TEF: variants seen among roughly 807,000 people sequenced by gnomAD.
The protein encoded by TEF is TEF transcription factor, PAR bZIP family member.
In TEF, 3 loss-of-function variants were observed where a neutral mutation model predicts 20.8. That is an observed-to-expected ratio of 0.14 (90% CI 0.07 to 0.37). TEF has a LOEUF of 0.37. Among genes scored for constraint, TEF ranks in the 10% least tolerant of loss-of-function variants. The pLI is 1.00. For synonymous variants in TEF, 180 were observed against 171.1 expected, an observed-to-expected ratio of 1.05 and a Z score of -0.41; for missense variants, 296 against 397.9, an observed-to-expected ratio of 0.74 and a Z score of 2.18.
intron 1 of TEF, chr22:41,383,068 C>G: frequency 2.1e-6 from 1 of 470,230 alleles, no homozygotes. Flanking sequence ...TGTGGGTGCA[C>G]TGAGGTATAC....
In TEF at chr22:41,369,047, T is replaced by C. The variant is rs142507248; in HGVS notation, c.67+1448T>C. ...TGGTCCAGGAACCCAGGAAGGGTGGTACAGTCCCTCCTGGCTCCCCCAAGG... is the reference window on the plus strand; with the variant it reads ...TGGTCCAGGAACCCAGGAAGGGTGGCACAGTCCCTCCTGGCTCCCCCAAGG... On this transcript the variant is annotated intron_variant, in intron 1 of 3. Transcript: ENST00000406644. 9.3e-5 allele frequency: 92 copies of C among 985,140 alleles called. 1 individual carries two copies. The African/African-American group carries it at 1.4e-3, about 15-fold the overall frequency. 61.0% of individuals were successfully genotyped at this position (985,140 alleles called of 1,614,324 possible). A position where few individuals can be genotyped will look rare whatever the true frequency, so the allele number is the denominator to read the frequency against.
At chr22:41,379,055 G>A (rs1278065933), upstream of TEF, among the ~76,000 whole-genome samples, 1 of 152,218 alleles carries the variant, frequency 6.6e-6, no homozygotes, top group African/African-American at 2.4e-5. Flanking sequence ...AACCCCGTAA[G>A]GTAGGCCAGG....
chr22:41,397,035 G>A lies in TEF; in HGVS notation c.*1075G>A, dbSNP rs1193537796. On this transcript the variant is annotated 3_prime_UTR_variant, in exon 4 of 4. Transcript: ENST00000266304. ...CCTGGGCTGGAGTGCACTCTCCCTG[G>A]GGGCAGCTGGGGCCTCGCAATTCTT... is the stretch of plus-strand genomic sequence containing the variant. 1.3e-5 allele frequency: 5 copies of A among 398,694 alleles called. No homozygotes were observed. The highest frequency in any genetic ancestry group is 2.2e-5 in the Non-Finnish European group (5 of 226,320). The allele number at this position is 398,694 out of a possible 1,614,324, so 24.7% of individuals were successfully genotyped here. A position where few individuals can be genotyped will look rare whatever the true frequency, so the allele number is the denominator to read the frequency against.
intron 2 of TEF, among the ~76,000 whole-genome samples, chr22:41,392,442 G>A (rs767317838): frequency 5.3e-5 from 8 of 152,066 alleles, no homozygotes; most frequent in East Asian, 3.9e-4. Flanking sequence ...TTGGGAGGCC[G>A]AGGCAGGTGG....
intron 1 of TEF, among the ~76,000 whole-genome samples, chr22:41,367,951 G>A (rs1421694418): frequency 6.6e-6 from 1 of 152,178 alleles, no homozygotes; most frequent in African/African-American, 2.4e-5. Context: ...CGCTGGGGGT[G>A]GCAGAGGAGC....
At chr22:41,372,516 A>G (rs1601810358) in intron 1 of TEF, among the ~76,000 whole-genome samples, 2 of 152,134 alleles carry the variant, frequency 1.3e-5, no homozygotes, top group East Asian at 1.9e-4. Context: ...GCTCAGAGAG[A>G]GGAAAGGCCA....
chr22:41,394,784 A>G (rs2037207846), intron 3 of TEF, among the ~76,000 whole-genome samples: 1 of 152,226 alleles, frequency 6.6e-6, no homozygotes, highest in Non-Finnish European at 1.5e-5. Flanking sequence ...ACTTACAGCA[A>G]GGATTTTTCA....
chr22:41,382,741 C>G (rs1414327701), intron 1 of TEF, among the ~76,000 whole-genome samples: 1 of 151,962 alleles, frequency 6.6e-6, no homozygotes, highest in Non-Finnish European at 1.5e-5. Context: ...GCTACTAGGT[C>G]CAACGGGAGC....
upstream of TEF, among the ~76,000 whole-genome samples, chr22:41,380,768 G>A (rs887583711): frequency 3.9e-5 from 6 of 152,202 alleles, no homozygotes; most frequent in Non-Finnish European, 1.5e-5. Flanking sequence ...CATTTTTACG[G>A]ATTTCTGCGG....
At chr22:41,390,984 C>G (rs2037158246) in intron 2 of TEF, among the ~76,000 whole-genome samples, 1 of 152,094 alleles carries the variant, frequency 6.6e-6, no homozygotes, top group East Asian at 1.9e-4. Flanking sequence ...CATGGCGTCA[C>G]TTTGAACAAC....
At chr22:41,367,790 T>C (rs1053452221) in intron 1 of TEF, among the ~76,000 whole-genome samples, 1 of 152,124 alleles carries the variant, frequency 6.6e-6, no homozygotes, top group African/African-American at 2.4e-5. Context: ...GCTCTGGGAC[T>C]CTCTCCTAGG....
intron 1 of TEF, among the ~76,000 whole-genome samples, chr22:41,373,767 C>CTTTTT (rs34394084): frequency 2.4e-5 from 3 of 125,590 alleles, no homozygotes; most frequent in Middle Eastern, 4.8e-3. Flanking sequence ...CACGCCCGGA[C>CTTTTT]TTTTTTTTTT....
upstream of TEF, chr22:41,381,818 G>T: frequency 1.7e-6 from 2 of 1,150,458 alleles, no homozygotes; most frequent in South Asian, 4.6e-5. Flanking sequence ...CCTCTCGCAG[G>T]CTGGACCAAT....
At chr22:41,393,938 G>A (rs1569258336) in intron 2 of TEF, among the ~76,000 whole-genome samples, 158 bp from the exon 3 acceptor site, 1 of 152,152 alleles carries the variant, frequency 6.6e-6, no homozygotes, top group African/African-American at 2.4e-5. Context: ...TGAACCGTGT[G>A]CCAGTCTGGC....
intron 1 of TEF, among the ~76,000 whole-genome samples, chr22:41,384,806 G>A (rs996919501): frequency 2.0e-5 from 3 of 152,074 alleles, no homozygotes; most frequent in Admixed American, 6.5e-5. Context: ...AGGCTGGAGT[G>A]TAGTGGTACA....
At position 41,394,244 on chromosome 22, in the gene TEF, T is replaced by G; in HGVS notation, c.624T>G (p.Phe208Leu). The change falls in exon 3 of 4, where the codon TTT becomes TTG. Residue 208 changes from phenylalanine (F) to leucine (L), a missense_variant. Transcript: ENST00000266304. Reference sequence around the variant, plus strand: ...TCTTCAACCCTCGGAAGCACAAGTTTGCTGAGGAGGACCTGAAGCCCCAGC... The same window carrying G: ...TCTTCAACCCTCGGAAGCACAAGTTGGCTGAGGAGGACCTGAAGCCCCAGC... ...GELFNPRKHK[F>L]AEEDLKPQPM... 6.2e-7 allele frequency: 1 copy of G among 1,614,172 alleles called. No individual in the cohort carries two copies.
At chr22:41,387,039 T>C (rs2037106171) in intron 1 of TEF, among the ~76,000 whole-genome samples, 1 of 152,018 alleles carries the variant, frequency 6.6e-6, no homozygotes, top group African/African-American at 2.4e-5. Context: ...CAAAATACTG[T>C]CTCAAAATAA....
chr22:41,390,971 A>T (rs1011270577), intron 2 of TEF, among the ~76,000 whole-genome samples: 1 of 152,082 alleles, frequency 6.6e-6, no homozygotes, highest in Non-Finnish European at 1.5e-5. Context: ...AAGGGCACCC[A>T]GGCATGGCGT....
upstream of TEF, among the ~76,000 whole-genome samples, chr22:41,377,487 A>G (rs1447370264): frequency 1.3e-5 from 2 of 152,166 alleles, no homozygotes; most frequent in Non-Finnish European, 2.9e-5. Context: ...CTCACAAACT[A>G]TGGAAATTAG....
Sources: gnomAD v4.1 joint callset for allele counts (sites outside exome capture counted in the v4.1 genomes callset) on GRCh38, gnomAD v4.1.1 for gene constraint, MANE v1.5 for transcripts, NCBI Gene and HGNC (gene_info 2026-07-23, HGNC 2026-07-21) for gene names.